POU6F2: variants seen among roughly 807,000 people sequenced by gnomAD.
The protein encoded by POU6F2 is POU class 6 homeobox 2, also known as POU domain, class 6, transcription factor 2.
A neutral mutation model predicts 71.3 loss-of-function variants in POU6F2; 31 were observed. The observed-to-expected ratio is 0.43, with a 90% CI of 0.33 to 0.59. The LOEUF (loss-of-function observed/expected upper bound fraction) is 0.59, where lower values mean the gene tolerates loss of function less well. Among genes scored for constraint, POU6F2 ranks in the 20% least tolerant of loss-of-function variants. The pLI is 0.04. For synonymous variants in POU6F2, 347 were observed against 355.7 expected, an observed-to-expected ratio of 0.98 and a Z score of 0.27; for missense variants, 783 against 856.8, an observed-to-expected ratio of 0.91 and a Z score of 1.07.
chr7:39,280,156 T>A (rs571959461), intron 4 of POU6F2, among the ~76,000 whole-genome samples: 147 of 152,344 alleles, frequency 9.6e-4, no homozygotes, highest in African/African-American at 3.5e-3. Flanking sequence ...AAGGTCACAC[T>A]CTGAGGTACT....
chr7:39,455,326 A>G (rs1288077941), intron 8 of POU6F2, among the ~76,000 whole-genome samples: 1 of 152,208 alleles, frequency 6.6e-6, no homozygotes, highest in Non-Finnish European at 1.5e-5. Flanking sequence ...TATAAAGTGA[A>G]CTTAAAGTTG....
intron 6 of POU6F2, among the ~76,000 whole-genome samples, chr7:39,407,679 C>T (rs1787464953): frequency 6.6e-6 from 1 of 151,926 alleles, no homozygotes; most frequent in African/African-American, 2.4e-5. Context: ...TTGCATACTC[C>T]CTGCTTGGCC....
intron 1 of POU6F2, among the ~76,000 whole-genome samples, chr7:39,008,759 G>C (rs1400950499): frequency 6.6e-6 from 1 of 151,006 alleles, no homozygotes; most frequent in Non-Finnish European, 1.5e-5. Flanking sequence ...AGTTTTCCCA[G>C]CACCATTTAT....
At chr7:39,176,978 G>A (rs534792308) in intron 2 of POU6F2, among the ~76,000 whole-genome samples, 31 of 152,272 alleles carry the variant, frequency 2.0e-4, no homozygotes, top group African/African-American at 6.5e-4. Flanking sequence ...CTTTGCAGCC[G>A]CATCTCATGA....
At chr7:39,425,425 C>T (rs2115992302) in intron 6 of POU6F2, among the ~76,000 whole-genome samples, 1 of 152,318 alleles carries the variant, frequency 6.6e-6, no homozygotes, top group East Asian at 1.9e-4. Flanking sequence ...CATGTCAAAA[C>T]TTCTCCTGAC....
chr7:39,160,391 T>C (rs1427096235), intron 2 of POU6F2, among the ~76,000 whole-genome samples: 1 of 152,128 alleles, frequency 6.6e-6, no homozygotes, highest in African/African-American at 2.4e-5. Flanking sequence ...ACAGACACTC[T>C]TCTGGTTTCT....
chr7:39,095,478 G>C lies in POU6F2; in HGVS notation c.277+9447G>C, dbSNP rs538331043. ...CTGGTCACATTGGAGATTGCTGATG[G>C]CATCGAGGTGGTTGCAGTAGCCTAG... On this transcript the variant is annotated intron_variant, in intron 2 of 9. Coordinates refer to ENST00000518318, the MANE Select transcript of POU6F2 (RefSeq NM_001370959.1). Among the ~76,000 whole-genome samples, 9 of 152,260 alleles carry C rather than the reference G, an allele frequency of 5.9e-5. 1 individual carries two copies. In the South Asian group the frequency reaches 1.2e-3, roughly 21 times the overall value.
Position 38,998,816 on chromosome 7 carries a change from ATTT to A in POU6F2, c.105+20779_105+20781del, listed in dbSNP as rs757703122. ...AGGCGCCTGCCACCACACCCGGCTA[ATTT>A]TTTTTTTTTTTTTTTTTTTTATTTT... On this transcript the variant is annotated intron_variant, in intron 1 of 9. Transcript: ENST00000518318. Among the ~76,000 whole-genome samples, 126 of 116,554 alleles carry A rather than the reference ATTT, an allele frequency of 1.1e-3. 1 individual carries two copies. The highest frequency in any genetic ancestry group is 2.6e-3 in the Admixed American group (30 of 11,362). 76.5% of individuals were successfully genotyped at this position (116,554 alleles called of 152,430 possible). A position where few individuals can be genotyped will look rare whatever the true frequency, so the allele number is the denominator to read the frequency against.
At chr7:39,072,914 C>T (rs1790912859) in intron 1 of POU6F2, among the ~76,000 whole-genome samples, 1 of 152,186 alleles carries the variant, frequency 6.6e-6, no homozygotes, top group Non-Finnish European at 1.5e-5. Flanking sequence ...ACATAGAACA[C>T]ATTGCGTAAA....
At chr7:39,344,231 T>C (rs1184894794) in intron 5 of POU6F2, among the ~76,000 whole-genome samples, 3 of 152,128 alleles carry the variant, frequency 2.0e-5, no homozygotes, top group Admixed American at 1.3e-4. Flanking sequence ...TCAGTAGGAA[T>C]TGGACAGTGA....
chr7:39,441,134 G>A (rs1788393402), intron 7 of POU6F2, among the ~76,000 whole-genome samples: 1 of 152,020 alleles, frequency 6.6e-6, no homozygotes, highest in Non-Finnish European at 1.5e-5. Context: ...TCCTATATAG[G>A]GTGTCTGACA....
intron 1 of POU6F2, among the ~76,000 whole-genome samples, chr7:39,009,026 G>A (rs1433635402): frequency 6.6e-6 from 1 of 152,136 alleles, no homozygotes; most frequent in Non-Finnish European, 1.5e-5. Context: ...GGTTCCATAT[G>A]AACTTTAAAG....
intron 3 of POU6F2, among the ~76,000 whole-genome samples, chr7:39,205,873 C>T (rs1794001531): frequency 6.6e-6 from 1 of 152,136 alleles, no homozygotes; most frequent in South Asian, 2.1e-4. Flanking sequence ...GCCCTCTCCA[C>T]ACCTCCCCTC....
intron 2 of POU6F2, among the ~76,000 whole-genome samples, chr7:39,186,400 C>T (rs1449791322): frequency 5.8e-4 from 89 of 152,142 alleles, no homozygotes; most frequent in Non-Finnish European, 1.3e-4. Context: ...GCTGTCACTA[C>T]CTCCCTGGTG....
At chr7:39,238,290 C>T (rs567021607) in intron 4 of POU6F2, among the ~76,000 whole-genome samples, 11 of 152,196 alleles carry the variant, frequency 7.2e-5, no homozygotes, top group East Asian at 5.8e-4. Flanking sequence ...GGACAAACGC[C>T]GCCTGACACA....
At chr7:39,321,162 G>A (rs1289494622) in intron 4 of POU6F2, among the ~76,000 whole-genome samples, 3 of 152,140 alleles carry the variant, frequency 2.0e-5, no homozygotes, top group African/African-American at 7.2e-5. Context: ...TCAAAATACT[G>A]TAATCTTTTC....
intron 7 of POU6F2, among the ~76,000 whole-genome samples, chr7:39,446,968 C>T (rs1429381159): frequency 1.3e-5 from 2 of 152,090 alleles, no homozygotes; most frequent in Non-Finnish European, 2.9e-5. Context: ...ATAGAAAATA[C>T]GATCATATAA....
At chr7:39,325,164 A>G (rs921066386) in intron 4 of POU6F2, among the ~76,000 whole-genome samples, 4 of 152,330 alleles carry the variant, frequency 2.6e-5, no homozygotes, top group African/African-American at 9.6e-5. Flanking sequence ...ACAGAATTAC[A>G]AATCTGGCAA....
intron 1 of POU6F2, among the ~76,000 whole-genome samples, chr7:39,050,134 T>G (rs2128713718): frequency 6.6e-6 from 1 of 152,174 alleles, no homozygotes; most frequent in Non-Finnish European, 1.5e-5. Flanking sequence ...TTTGAAGTTT[T>G]TTTCATCTAT....
Sources: allele counts gnomAD v4.1 joint callset (sites outside exome capture counted in the v4.1 genomes callset), GRCh38; gene constraint gnomAD v4.1.1; transcripts MANE v1.5; gene names NCBI Gene and HGNC (gene_info 2026-07-23, HGNC 2026-07-21).